ZNF331: variants seen among roughly 807,000 people sequenced by gnomAD.
ZNF331 encodes C2H2-like zinc finger protein rearranged in thyroid adenomas.
ZNF331 carries 2 observed loss-of-function variants against 7.0 expected under a neutral mutation model. The ratio of observed to expected loss-of-function variants is 0.29; its 90% CI spans 0.12 to 0.90. The LOEUF (loss-of-function observed/expected upper bound fraction) is 0.90, where lower values mean the gene tolerates loss of function less well. ZNF331 is among the 40% of genes least tolerant of loss of function. The probability of loss-of-function intolerance (pLI) is 0.58; values close to 1 mark genes in which losing one functional copy is unlikely to be tolerated. For missense variants in ZNF331, 432 were observed against 587.7 expected (o/e 0.74, Z 2.74); for synonymous variants, 196 against 205.4 (o/e 0.95, Z 0.39).
rs146831283 is a variant in ZNF331 at position 53,558,890 on chromosome 19, ATATACACACC to A, written c.-74+2995_-74+3004del. Among the ~76,000 whole-genome samples, 62,661 of 146,364 alleles carry A rather than the reference ATATACACACC, an allele frequency of 0.43. 16,030 individuals carry two copies. Among genetic ancestry groups the A allele is most frequent in the African/African-American group, 0.71 (27,490 of 38,872 alleles). On this transcript the variant is annotated intron_variant, in intron 3 of 5. Transcript: ENST00000449416. This position sits in a 1 kb window ranked among gnomAD's most constrained non-coding sequence, Gnocchi z 4.5. ...ACACACATACCCCATATATACACAC[ATATACACACC>A]TATACACACCTACATATATACACAC...
At chr19:53,518,498 GTTCTGTCTC>G (rs2086960398), upstream of ZNF331, among the ~76,000 whole-genome samples, 1 of 152,094 alleles carries the variant, frequency 6.6e-6, no homozygotes, top group African/African-American at 2.4e-5. Flanking sequence ...TATCCTATTA[GTTCTGTCTC>G]TCTGGAGAAC....
At chr19:53,572,095 A>G (rs1470331988) in intron 5 of ZNF331, among the ~76,000 whole-genome samples, 2 of 152,296 alleles carry the variant, frequency 1.3e-5, no homozygotes, top group South Asian at 2.1e-4. Context: ...GTCTAGGGAA[A>G]ACATGTGGAC....
chr19:53,531,432 C>G (rs1028156080), intron 2 of ZNF331, among the ~76,000 whole-genome samples: 1 of 152,134 alleles, frequency 6.6e-6, no homozygotes, highest in Non-Finnish European at 1.5e-5. Context: ...GTGCTCTGCT[C>G]TTCTAAGAAT....
At position 53,579,888 on chromosome 19, in the gene ZNF331, G is replaced by T. The variant is rs951123782; in HGVS notation, c.*1936G>T. 5.0e-6 allele frequency: 1 copy of T among 201,698 alleles called. No individual in the cohort carries two copies. Among genetic ancestry groups the T allele is most frequent in the Non-Finnish European group, 1.0e-5 (1 of 98,192 alleles). 12.5% of individuals were successfully genotyped at this position (201,698 alleles called of 1,614,324 possible). A position where few individuals can be genotyped will look rare whatever the true frequency, so the allele number is the denominator to read the frequency against. On this transcript the variant is annotated 3_prime_UTR_variant, in exon 6 of 6. Transcript: ENST00000449416. ...AAGGAACTCTCATAGAAAATATAAAGAATCCCTCAAGTTGAAAAAAAAATC... is the reference window on the plus strand; with the variant it reads ...AAGGAACTCTCATAGAAAATATAAATAATCCCTCAAGTTGAAAAAAAAATC...
At chr19:53,519,864 C>A (rs990680340), upstream of ZNF331, among the ~76,000 whole-genome samples, 1 of 152,116 alleles carries the variant, frequency 6.6e-6, no homozygotes, top group Non-Finnish European at 1.5e-5. Flanking sequence ...AGTGCTGAAA[C>A]GTCCCCAAAA....
chr19:53,534,798 C>T (rs1444208938), upstream of ZNF331, among the ~76,000 whole-genome samples: 1 of 152,080 alleles, frequency 6.6e-6, no homozygotes, highest in Non-Finnish European at 1.5e-5. Context: ...CCATCTGCAA[C>T]CTTCTTTATC....
At chr19:53,503,256 T>G in the ZNF331 span, 1 of 302,092 alleles carries the variant, frequency 3.3e-6, no homozygotes. Context: ...GCAGCCTCAA[T>G]CTCCTGGGCT....
intron 3 of ZNF331, among the ~76,000 whole-genome samples, chr19:53,556,156 T>C (rs1341542321): frequency 7.1e-6 from 1 of 140,624 alleles, no homozygotes. Flanking sequence ...GGCAGGAGAA[T>C]GGCGGGAACC....
the ZNF331 span, among the ~76,000 whole-genome samples, chr19:53,510,150 C>G: frequency 6.6e-6 from 1 of 152,188 alleles, no homozygotes; most frequent in African/African-American, 2.4e-5. Flanking sequence ...GATGGAACAT[C>G]CTGCTTCTGT....
intron 2 of ZNF331, among the ~76,000 whole-genome samples, chr19:53,541,972 A>AG (rs1396777212): frequency 4.6e-5 from 7 of 151,762 alleles, no homozygotes; most frequent in Non-Finnish European, 1.0e-4. Flanking sequence ...ATTGCACTCT[A>AG]GCCTGGGCAA....
At chr19:53,533,083 A>G (rs2087603884) in intron 2 of ZNF331, among the ~76,000 whole-genome samples, 2 of 139,548 alleles carry the variant, frequency 1.4e-5, no homozygotes, top group South Asian at 4.2e-4. Context: ...GTTCCTTGAG[A>G]AGTAATGTTT....
At chr19:53,543,452 C>T (rs1293163845) in intron 2 of ZNF331, among the ~76,000 whole-genome samples, 4 of 151,456 alleles carry the variant, frequency 2.6e-5, no homozygotes, top group Middle Eastern at 3.2e-3. Flanking sequence ...TTAGTAGAGA[C>T]GGGGTTTCAC....
In ZNF331 at chr19:53,544,316, T is replaced by C. The variant is rs866012112; in HGVS notation, c.-138+5034T>C. Among the ~76,000 whole-genome samples the C allele has an allele frequency of 1.4e-3, 204 of 150,756 alleles. 2 individuals carry two copies. Among genetic ancestry groups the C allele is most frequent in the Middle Eastern group, 0.011 (3 of 280 alleles). ...ATCCCAGCACTTTGGGAGGCCAAGG[T>C]GGGCGGATCACGAGGTCAGGAGATG... On this transcript the variant is annotated intron_variant, in intron 2 of 5. Coordinates refer to ENST00000449416, the MANE Select transcript of ZNF331 (RefSeq NM_001079906.2).
intron 2 of ZNF331, among the ~76,000 whole-genome samples, chr19:53,540,970 T>G (rs1312317941): frequency 6.6e-6 from 1 of 152,218 alleles, no homozygotes; most frequent in Non-Finnish European, 1.5e-5. Context: ...CCTATTTTAG[T>G]GTCAGCCCAT....
intron 2 of ZNF331, among the ~76,000 whole-genome samples, chr19:53,555,041 T>C (rs2089290177): frequency 6.6e-6 from 1 of 151,994 alleles, no homozygotes; most frequent in African/African-American, 2.4e-5. Flanking sequence ...CAGGCCAGTG[T>C]GTGCTGTGGT....
In ZNF331 at chr19:53,578,407, C is replaced by G; in HGVS notation, c.*455C>G. 2 of 233,936 alleles carry G rather than the reference C, an allele frequency of 8.5e-6. No individual in the cohort carries two copies. Among genetic ancestry groups the G allele is most frequent in the Non-Finnish European group, 1.7e-5 (2 of 118,194 alleles). 14.5% of individuals were successfully genotyped at this position (233,936 alleles called of 1,614,324 possible). On this transcript the variant is annotated 3_prime_UTR_variant, in exon 6 of 6. Transcript: ENST00000449416. ...AACTTAAAAAAGAAAAGAAAAAAAT[C>G]ATATACTGAGGTTGCTAAGATCTAC...
At chr19:53,514,817 A>AT (rs1286301014), upstream of ZNF331, among the ~76,000 whole-genome samples, 2 of 151,480 alleles carry the variant, frequency 1.3e-5, no homozygotes, top group Non-Finnish European at 2.9e-5. Context: ...CGCCCGGCTA[A>AT]TTTTTTGTAT....
At chr19:53,537,420 C>G (rs928869976), upstream of ZNF331, 1 of 152,306 alleles carries the variant, frequency 6.6e-6, no homozygotes, top group East Asian at 1.9e-4. Context: ...AGAGGATACC[C>G]TTCTGAGGAC....
Position 53,571,233 on chromosome 19 carries a change from TCTTCCCCC to T in ZNF331, c.10-367_10-360del, listed in dbSNP as rs2090430999. Reference sequence around the variant, plus strand: ...GTTCTTAAACAGAAATCTTGATTTTTCTTCCCCCCTTAAAAGAAAAAATGCTGTAGGAA... The same window carrying T: ...GTTCTTAAACAGAAATCTTGATTTTTCTTAAAAGAAAAAATGCTGTAGGAA... On this transcript the variant is annotated intron_variant, in intron 4 of 5. Coordinates refer to ENST00000449416, the MANE Select transcript of ZNF331 (RefSeq NM_001079906.2). This position sits in a 1 kb window ranked among gnomAD's most constrained non-coding sequence, Gnocchi z 4.7. Among the ~76,000 whole-genome samples, 1 of 152,206 alleles carries T rather than the reference TCTTCCCCC, an allele frequency of 6.6e-6. No homozygotes were observed. Among genetic ancestry groups the T allele is most frequent in the African/African-American group, 2.4e-5 (1 of 41,460 alleles).
Sources: gnomAD v4.1 joint callset for allele counts (sites outside exome capture counted in the v4.1 genomes callset) on GRCh38, gnomAD v4.1.1 for gene constraint, Gnocchi (gnomAD v3.1) non-coding constraint, MANE v1.5 for transcripts, NCBI Gene and HGNC (gene_info 2026-07-23, HGNC 2026-07-21) for gene names.